Variants in SRXN1 observed in about 807,000 individuals in gnomAD.
The protein encoded by SRXN1 is sulfiredoxin 1, also known as sulfiredoxin-1.
A neutral mutation model predicts 11.0 loss-of-function variants in SRXN1; 11 were observed. The ratio of observed to expected loss-of-function variants is 1.00; its 90% confidence interval spans 0.63 to 1.65. The LOEUF (loss-of-function observed/expected upper bound fraction) is 1.65. Among genes scored for constraint, SRXN1 ranks in the 40% most tolerant of loss-of-function variants. SRXN1 has a pLI of 0.00. For missense variants in SRXN1, 211 were observed against 194.5 expected, an observed-to-expected ratio of 1.08 and a Z score of -0.50; for synonymous variants, 106 against 92.8, an observed-to-expected ratio of 1.14 and a Z score of -0.82.
At chr20:648,945 G>C (rs776739583) in intron 1 of SRXN1, 28 bp from the exon 2 acceptor site, 2 of 1,611,836 alleles carry the variant, frequency 1.2e-6, no homozygotes, top group Non-Finnish European at 1.7e-6. Context: ...AGAGTCAATG[G>C]ACATGGTACA....
In SRXN1 at chr20:648,016, A is replaced by G. The variant is rs1485981524; in HGVS notation, c.*698T>C. 5 of 452,296 alleles carry G rather than the reference A, an allele frequency of 1.1e-5. No individual in the cohort carries two copies. Among genetic ancestry groups the G allele is most frequent in the Admixed American group, 2.4e-5 (1 of 42,378 alleles). 28.0% of individuals were successfully genotyped at this position (452,296 alleles called of 1,614,324 possible). A position where few individuals can be genotyped will look rare whatever the true frequency, so the allele number is the denominator to read the frequency against. ...GTGCAATGGTAGCTGGCTCGGGCCA[A>G]GGGCATCTAAGTGAAGATATGCAGA... is the stretch of plus-strand genomic sequence containing the variant. On this transcript the variant is annotated 3_prime_UTR_variant, in exon 2 of 2. Coordinates refer to ENST00000381962, the MANE Select transcript of SRXN1 (RefSeq NM_080725.3).
rs764407973 is a variant in SRXN1 at position 648,670 on chromosome 20, G to A, written c.*44C>T. Reference sequence around the variant, plus strand: ...GCCCAGCCTGCTGGAGGCCAGGTGTGTCTTCTGGGCTCTTGAAGGTGGCAG... The same window carrying A: ...GCCCAGCCTGCTGGAGGCCAGGTGTATCTTCTGGGCTCTTGAAGGTGGCAG... On this transcript the variant is annotated 3_prime_UTR_variant, in exon 2 of 2. Coordinates refer to ENST00000381962, the MANE Select transcript of SRXN1 (RefSeq NM_080725.3). 46 of 1,605,994 alleles carry A rather than the reference G, an allele frequency of 2.9e-5. No individual in the cohort carries two copies. Among genetic ancestry groups the A allele is most frequent in the Non-Finnish European group, 3.9e-5 (46 of 1,173,222 alleles).
At position 647,902 on chromosome 20, in the gene SRXN1, T is replaced by G. The variant is rs1983571641; in HGVS notation, c.*812A>C. On this transcript the variant is annotated 3_prime_UTR_variant, in exon 2 of 2. Transcript: ENST00000381962. ...ATCCCAGTTTTATTGCAGGAGGCAGTGTGCCAGTCTCAGTAGATGGAACAC... is the reference window on the plus strand; with the variant it reads ...ATCCCAGTTTTATTGCAGGAGGCAGGGTGCCAGTCTCAGTAGATGGAACAC... 1 of 354,846 alleles carries G rather than the reference T, an allele frequency of 2.8e-6. No homozygotes were observed. Among genetic ancestry groups the G allele is most frequent in the East Asian group, 7.4e-5 (1 of 13,446 alleles). 22.0% of individuals were successfully genotyped at this position (354,846 alleles called of 1,614,324 possible).
In SRXN1 at chr20:653,190, G is replaced by A. The variant is rs1568642409; in HGVS notation, c.-5C>T. The A allele has an allele frequency of 2.4e-6, 3 of 1,227,980 alleles. No individual in the cohort carries two copies. The highest frequency in any genetic ancestry group is 3.0e-6 in the Non-Finnish European group (3 of 985,986). 76.1% of individuals were successfully genotyped at this position (1,227,980 alleles called of 1,614,324 possible). On this transcript the variant is annotated 5_prime_UTR_variant, in exon 1 of 2. Coordinates refer to ENST00000381962, the MANE Select transcript of SRXN1 (RefSeq NM_080725.3). Reference sequence around the variant, plus strand: ...TCCTCCTGCACGCAGCCCCATCGTCGCCGCCGCCGCGGGACTCGCCGCCTC... The same window carrying A: ...TCCTCCTGCACGCAGCCCCATCGTCACCGCCGCCGCGGGACTCGCCGCCTC...
Position 648,644 on chromosome 20 carries a change from G to C in SRXN1, c.*70C>G, listed in dbSNP as rs919048338. 6 of 1,558,284 alleles carry C rather than the reference G, an allele frequency of 3.9e-6. No homozygotes were observed. The Admixed American group carries it at 1.0e-4, about 26-fold the overall frequency. On this transcript the variant is annotated 3_prime_UTR_variant, in exon 2 of 2. Coordinates refer to ENST00000381962, the MANE Select transcript of SRXN1 (RefSeq NM_080725.3). ...TGCACCCCTGCTATCCCTTCTGCAT[G>C]GCCCAGCCTGCTGGAGGCCAGGTGT...
At chr20:649,664 T>G (rs1487995866) in intron 1 of SRXN1, among the ~76,000 whole-genome samples, 1 of 150,082 alleles carries the variant, frequency 6.7e-6, no homozygotes, top group Non-Finnish European at 1.5e-5. Context: ...ATCGCACCAT[T>G]GCACTCCAGC....
chr20:650,429 G>A (rs1192024169), intron 1 of SRXN1, among the ~76,000 whole-genome samples: 1 of 152,200 alleles, frequency 6.6e-6, no homozygotes, highest in East Asian at 1.9e-4. Flanking sequence ...TTGACTTCCT[G>A]TTAGGGGCCC....
rs1386514663 is a variant in SRXN1, at chr20:652,966, G to A, written c.210+10C>T. 1 of 1,475,474 alleles carries A rather than the reference G, an allele frequency of 6.8e-7. No homozygotes were observed. Among genetic ancestry groups the A allele is most frequent in the Non-Finnish European group, 9.0e-7 (1 of 1,105,546 alleles). The allele number at this position is 1,475,474 out of a possible 1,614,324, so 91.4% of individuals were successfully genotyped here. A position where few individuals can be genotyped will look rare whatever the true frequency, so the allele number is the denominator to read the frequency against. ...CTCCCTCCGGTTGGCTGGACTCCCCGAGGCCTCACCCGGATCGTGTCCACG... is the reference window on the plus strand; with the variant it reads ...CTCCCTCCGGTTGGCTGGACTCCCCAAGGCCTCACCCGGATCGTGTCCACG... On this transcript the variant is annotated intron_variant, in intron 1 of 1. Coordinates refer to ENST00000381962, the MANE Select transcript of SRXN1 (RefSeq NM_080725.3).
intron 1 of SRXN1, among the ~76,000 whole-genome samples, chr20:650,529 T>C (rs903807574): frequency 6.6e-6 from 1 of 152,154 alleles, no homozygotes; most frequent in African/African-American, 2.4e-5. Flanking sequence ...GGAGACCCCA[T>C]TAAGTGTGAG....
chr20:652,860 C>T (rs989941675), intron 1 of SRXN1, 116 bp downstream of exon 1: 1 of 1,294,986 alleles, frequency 7.7e-7, no homozygotes, highest in Non-Finnish European at 9.9e-7. Context: ...AGAGGCTGAG[C>T]TCCGGCTGGG....
In SRXN1 at chr20:648,020, C is replaced by T. The variant is rs1410369870; in HGVS notation, c.*694G>A. 2.2e-6 allele frequency: 1 copy of T among 453,384 alleles called. No homozygotes were observed. The highest frequency in any genetic ancestry group is 4.4e-6 in the Non-Finnish European group (1 of 225,120). The allele number at this position is 453,384 out of a possible 1,614,324, so 28.1% of individuals were successfully genotyped here. A position where few individuals can be genotyped will look rare whatever the true frequency, so the allele number is the denominator to read the frequency against. ...AATGGTAGCTGGCTCGGGCCAAGGG[C>T]ATCTAAGTGAAGATATGCAGAGGGA... On this transcript the variant is annotated 3_prime_UTR_variant, in exon 2 of 2. Coordinates refer to ENST00000381962, the MANE Select transcript of SRXN1 (RefSeq NM_080725.3).
At position 648,446 on chromosome 20, in the gene SRXN1, G is replaced by A; in HGVS notation, c.*268C>T. The A allele has an allele frequency of 1.6e-6, 1 of 625,640 alleles. No homozygotes were observed. The highest frequency in any genetic ancestry group is 3.3e-5 in the East Asian group (1 of 30,320). The allele number at this position is 625,640 out of a possible 1,614,324, so 38.8% of individuals were successfully genotyped here. A position where few individuals can be genotyped will look rare whatever the true frequency, so the allele number is the denominator to read the frequency against. On this transcript the variant is annotated 3_prime_UTR_variant, in exon 2 of 2. Transcript: ENST00000381962. ...GGGAATTTGGAGCCGGCAGCACGTG[G>A]CTCTTCAAGCCCATCTCTGTTCTCC... is the stretch of plus-strand genomic sequence containing the variant.
At chr20:648,961 TGA>T (rs770201891) in intron 1 of SRXN1, 44 bp from the exon 2 acceptor site, 1 of 1,603,232 alleles carries the variant, frequency 6.2e-7, no homozygotes, top group Non-Finnish European at 8.5e-7. Flanking sequence ...GTACAAGGCT[TGA>T]GAGTTTGTAA....
rs1165147128 is a variant in SRXN1, at chr20:647,768, G to C, written c.*946C>G. The C allele has an allele frequency of 2.9e-6, 1 of 342,446 alleles. No homozygotes were observed. The highest frequency in any genetic ancestry group is 5.7e-6 in the Non-Finnish European group (1 of 175,212). The allele number at this position is 342,446 out of a possible 1,614,324, so 21.2% of individuals were successfully genotyped here. The stretch of plus-strand genomic sequence containing the variant: ...CCCAGCCCAAATTGCCAACCCATAG[G>C]ATTGTGGGAAAATACAGGGTTTGTT... On this transcript the variant is annotated 3_prime_UTR_variant, in exon 2 of 2. Transcript: ENST00000381962.
chr20:651,181 C>T (rs1319193046), intron 1 of SRXN1, among the ~76,000 whole-genome samples: 1 of 152,180 alleles, frequency 6.6e-6, no homozygotes, highest in Non-Finnish European at 1.5e-5. Context: ...AATGGATTCT[C>T]CCCTAGAGCC....
At chr20:652,411 G>A (rs1983696121) in intron 1 of SRXN1, among the ~76,000 whole-genome samples, 1 of 152,148 alleles carries the variant, frequency 6.6e-6, no homozygotes, top group Non-Finnish European at 1.5e-5. Flanking sequence ...CAGTGGTGGA[G>A]CTGACCCTTG....
chr20:651,066 G>A (rs1474965691), intron 1 of SRXN1, among the ~76,000 whole-genome samples: 6 of 152,214 alleles, frequency 3.9e-5, no homozygotes, highest in South Asian at 2.1e-4. Context: ...TCAGAGTGAT[G>A]CGATGTGAGA....
At position 651,247 on chromosome 20, in the gene SRXN1, T is replaced by C. The variant is rs546083920; in HGVS notation, c.210+1729A>G. On this transcript the variant is annotated intron_variant, in intron 1 of 1. Coordinates refer to ENST00000381962, the MANE Select transcript of SRXN1 (RefSeq NM_080725.3). ...TAGCCCAGTAAGACCCATTTTGGAC[T>C]TCTGACCATAAATAAACCTGTGTTG... Among the ~76,000 whole-genome samples the C allele has an allele frequency of 2.0e-5, 3 of 152,300 alleles. No homozygotes were observed. In the South Asian group the frequency reaches 6.2e-4, roughly 32 times the overall value.
Position 652,380 on chromosome 20 carries a change from G to A in SRXN1, c.210+596C>T, listed in dbSNP as rs147297974. Among the ~76,000 whole-genome samples, 335 of 152,204 alleles carry A rather than the reference G, an allele frequency of 2.2e-3. 3 individuals are homozygous for A. Among genetic ancestry groups the A allele is most frequent in the African/African-American group, 7.8e-3 (322 of 41,508 alleles). On this transcript the variant is annotated intron_variant, in intron 1 of 1. Coordinates refer to ENST00000381962, the MANE Select transcript of SRXN1 (RefSeq NM_080725.3). ...CCCAAGTTCCTGCCAGAATCACTCC[G>A]GTATTCTTAACACCCTTCCTCAGTG... is the stretch of plus-strand genomic sequence containing the variant.
Sources: allele counts gnomAD v4.1 joint callset (sites outside exome capture counted in the v4.1 genomes callset), GRCh38; gene constraint gnomAD v4.1.1; transcripts MANE v1.5; gene names NCBI Gene and HGNC (gene_info 2026-07-23, HGNC 2026-07-21).